The following MIDEAS variants were observed in gnomAD, a reference collection of about 807,000 sequenced individuals.
MIDEAS encodes the protein mitotic deacetylase-associated SANT domain protein.
MIDEAS carries 26 observed loss-of-function variants against 102.7 expected under a neutral mutation model. The ratio of observed to expected loss-of-function variants is 0.25; its 90% CI spans 0.19 to 0.35. MIDEAS has a LOEUF of 0.35. Among genes scored for constraint, MIDEAS ranks in the 10% least tolerant of loss-of-function variants. MIDEAS has a pLI of 1.00. For missense variants in MIDEAS, 1,231 were observed against 1,435.6 expected (o/e 0.86, Z 2.30); for synonymous variants, 585 against 591.0 (o/e 0.99, Z 0.15).
upstream of MIDEAS, among the ~76,000 whole-genome samples, chr14:73,787,943 G>A (rs992631967): frequency 1.3e-5 from 2 of 152,214 alleles, no homozygotes; most frequent in Non-Finnish European, 2.9e-5. Flanking sequence ...AAGTGACTTT[G>A]AGGGTAGGGT....
chr14:73,771,259 A>G (rs2053639632), intron 1 of MIDEAS, among the ~76,000 whole-genome samples: 1 of 152,202 alleles, frequency 6.6e-6, no homozygotes, highest in Non-Finnish European at 1.5e-5. Context: ...ATTTGGTTTT[A>G]GCAAATATAC....
rs2053051631 is a variant in MIDEAS, at chr14:73,725,685, T to C, written c.2486-325A>G. On this transcript the variant is annotated intron_variant, in intron 8 of 12. Coordinates refer to ENST00000423556, the MANE Select transcript of MIDEAS (RefSeq NM_001367710.1). This position sits in a 1 kb window ranked among gnomAD's most constrained non-coding sequence, Gnocchi z 4.1. ...TGTTAGGATTATGTGACTCGGTCCATGTCCTTCTTAAAGTGACCAGAACAG... is the reference window on the plus strand; with the variant it reads ...TGTTAGGATTATGTGACTCGGTCCACGTCCTTCTTAAAGTGACCAGAACAG... 6.6e-6 allele frequency among the ~76,000 whole-genome samples: 1 copy of C among 152,258 alleles called. No individual in the cohort carries two copies. The highest frequency in any genetic ancestry group is 1.5e-5 in the Non-Finnish European group (1 of 68,044).
intron 1 of MIDEAS, among the ~76,000 whole-genome samples, chr14:73,745,985 C>A (rs1347745396): frequency 2.0e-5 from 3 of 152,212 alleles, no homozygotes; most frequent in Non-Finnish European, 4.4e-5. Flanking sequence ...CAGAGAGTCA[C>A]GAGTCCCAGG....
At position 73,715,346 on chromosome 14, in the gene MIDEAS, C is replaced by G. The variant is rs1030444446; in HGVS notation, c.*3497G>C. The G allele has an allele frequency of 6.6e-6, 1 of 152,608 alleles. No individual in the cohort carries two copies. Among genetic ancestry groups the G allele is most frequent in the South Asian group, 2.1e-4 (1 of 4,830 alleles). 9.5% of individuals were successfully genotyped at this position (152,608 alleles called of 1,614,324 possible). A position where few individuals can be genotyped will look rare whatever the true frequency, so the allele number is the denominator to read the frequency against. On this transcript the variant is annotated 3_prime_UTR_variant, in exon 13 of 13. Transcript: ENST00000423556. ...GTACACTATTTTAATATGTAACAGT[C>G]TTTTTAAAAAAGGATGCCACAGGCA...
chr14:73,725,215 C>A lies in MIDEAS; in HGVS notation c.2574+57G>T. On this transcript the variant is annotated intron_variant, in intron 9 of 12. Transcript: ENST00000423556. This position sits in a 1 kb window ranked among gnomAD's most constrained non-coding sequence, Gnocchi z 4.1. ...GATTGGTCACTGGCAGAGGGAGCCC[C>A]AAAGTCACACAGGCAGCTCCTGGCC... 5 of 1,464,474 alleles carry A rather than the reference C, an allele frequency of 3.4e-6. No individual in the cohort carries two copies. The highest frequency in any genetic ancestry group is 4.8e-6 in the Non-Finnish European group (5 of 1,044,008). The allele number at this position is 1,464,474 out of a possible 1,614,324, so 90.7% of individuals were successfully genotyped here.
At chr14:73,738,196 G>C (rs1347326626) in intron 2 of MIDEAS, among the ~76,000 whole-genome samples, 2 of 151,680 alleles carry the variant, frequency 1.3e-5, no homozygotes, top group East Asian at 3.9e-4. Flanking sequence ...AGGAGTTCGA[G>C]ACCAGCCTGA....
chr14:73,721,579 C>T (rs1308500772), intron 10 of MIDEAS, 70 bp from the exon 11 acceptor site: 20 of 1,466,884 alleles, frequency 1.4e-5, no homozygotes, highest in Admixed American at 1.2e-4. Context: ...GATTCTGACC[C>T]GGCCGGGGGG....
rs2052937530 is a variant in MIDEAS at position 73,718,872 on chromosome 14, C to T, written c.3271G>A (p.Glu1091Lys). The T allele has an allele frequency of 6.6e-7, 1 of 1,512,054 alleles. No homozygotes were observed. The highest frequency in any genetic ancestry group is 8.8e-7 in the Non-Finnish European group (1 of 1,136,594). 93.7% of individuals were successfully genotyped at this position (1,512,054 alleles called of 1,614,324 possible). ...CCCTTGTCGCCCGCACCGCTCTCCT[C>T]CCGCAGGGCCTGCTGGTGGGCGGCG... is the stretch of plus-strand genomic sequence containing the variant. Reference protein sequence around the residue: ...AAAAHQQALREESGAGDKG With the variant: ...AAAAHQQALRKESGAGDKG The change falls in exon 13 of 13, where the codon GAG (glutamate) becomes AAG (lysine). Residue 1091 changes from glutamate to lysine, a missense_variant. This residue lies in a region of MIDEAS where 71 missense variants were observed against 51.9 expected (regional missense o/e 1.37). Coordinates refer to ENST00000423556, the MANE Select transcript of MIDEAS (RefSeq NM_001367710.1).
rs748652267 is a variant in MIDEAS at position 73,779,568 on chromosome 14, T to C, written c.-248+7534A>G. ...TTTTTTAATTTGTTTATTATTATTA[T>C]TATTATTTTTTTTTTTTTTTGAGAC... On this transcript the variant is annotated intron_variant, in intron 1 of 11. Transcript: ENST00000394071. Among the ~76,000 whole-genome samples the C allele has an allele frequency of 3.7e-3, 300 of 81,058 alleles. 4 individuals carry two copies. Among genetic ancestry groups the C allele is most frequent in the Middle Eastern group, 0.011 (2 of 178 alleles). The allele number at this position is 81,058 out of a possible 152,430, so 53.2% of individuals were successfully genotyped here. A position where few individuals can be genotyped will look rare whatever the true frequency, so the allele number is the denominator to read the frequency against.
rs1305799543 is a variant in MIDEAS, at chr14:73,739,977, TTC to T, written c.30_31del (p.Asn11GlnfsTer57). The T allele has an allele frequency of 6.6e-7, 1 of 1,507,520 alleles. No homozygotes were observed. Among genetic ancestry groups the T allele is most frequent in the Non-Finnish European group, 8.9e-7 (1 of 1,127,672 alleles). 93.4% of individuals were successfully genotyped at this position (1,507,520 alleles called of 1,614,324 possible). On this transcript the variant is annotated frameshift_variant, in exon 2 of 13. Coordinates refer to ENST00000423556, the MANE Select transcript of MIDEAS (RefSeq NM_001367710.1). LOFTEE classifies it high-confidence loss of function. ...CCCGAAGAGGCAACGCTTCCGCTTG[TTC>T]TGAGCCTTGGGCTGGGCCTGGAGGT...
intron 9 of MIDEAS, chr14:73,724,711 TTG>T (rs1483339049): frequency 6.4e-6 from 1 of 156,144 alleles, no homozygotes; most frequent in Non-Finnish European, 1.4e-5. Context: ...AGCCCAGATT[TTG>T]TGAGACAGGG....
intron 1 of MIDEAS, among the ~76,000 whole-genome samples, chr14:73,776,076 G>A (rs538238542): frequency 5.9e-5 from 9 of 152,012 alleles, no homozygotes; most frequent in African/African-American, 1.9e-4. Context: ...GTGGCACCTC[G>A]CAAACACCCT....
intron 3 of MIDEAS, among the ~76,000 whole-genome samples, chr14:73,735,585 T>C (rs988100365): frequency 9.2e-5 from 14 of 152,218 alleles, no homozygotes; most frequent in Middle Eastern, 3.2e-3. Context: ...TCCCAATGTA[T>C]GCCACTTGAA....
chr14:73,724,396 G>C (rs946121524), intron 9 of MIDEAS: 3 of 152,192 alleles, frequency 2.0e-5, no homozygotes, highest in African/African-American at 7.2e-5. Flanking sequence ...CACATTTACT[G>C]TCAATTCTCT....
intron 1 of MIDEAS, among the ~76,000 whole-genome samples, chr14:73,784,810 T>C (rs1419190119): frequency 6.6e-6 from 1 of 152,208 alleles, no homozygotes; most frequent in African/African-American, 2.4e-5. Flanking sequence ...ACTGTAACCA[T>C]ACATGCCAGA....
At chr14:73,788,389 A>G (rs1244619226), upstream of MIDEAS, among the ~76,000 whole-genome samples, 1 of 152,214 alleles carries the variant, frequency 6.6e-6, no homozygotes, top group Non-Finnish European at 1.5e-5. Flanking sequence ...ACAGGAAACC[A>G]TAAACTTGAG....
chr14:73,726,076 G>A lies in MIDEAS; in HGVS notation c.2442C>T (p.Pro814=), dbSNP rs1200755268. 1.3e-6 allele frequency: 2 copies of A among 1,598,632 alleles called. No individual in the cohort carries two copies. Among genetic ancestry groups the A allele is most frequent in the Non-Finnish European group, 1.7e-6 (2 of 1,173,586 alleles). ...ETLNKLLLKK[P]LRPHNHPLAT... Reference sequence around the variant, plus strand: ...CCAGCGGATGGTTGTGGGGCCGCAGGGGCTTCTTCAGCAGCAGCTTATTCA... The same window carrying A: ...CCAGCGGATGGTTGTGGGGCCGCAGAGGCTTCTTCAGCAGCAGCTTATTCA... The change falls in exon 8 of 13, where the codon CCC becomes CCT. Residue 814 remains proline (P), a synonymous_variant. Transcript: ENST00000423556.
chr14:73,725,313 T>A lies in MIDEAS; in HGVS notation c.2533A>T (p.Ile845Phe), dbSNP rs1338617441. 9 of 1,614,110 alleles carry A rather than the reference T, an allele frequency of 5.6e-6. No homozygotes were observed. Among genetic ancestry groups the A allele is most frequent in the Non-Finnish European group, 7.6e-6 (9 of 1,179,962 alleles). The change falls in exon 9 of 13, where the codon ATT becomes TTT. Residue 845 changes from isoleucine to phenylalanine, a missense_variant. Physicochemically the swap from Ile to Phe is conservative, Grantham distance 21. This residue lies in a region of MIDEAS where 391 missense variants were observed against 483.0 expected (regional missense o/e 0.81). Coordinates refer to ENST00000423556, the MANE Select transcript of MIDEAS (RefSeq NM_001367710.1). The surrounding 1 kb of genome is among the most constrained non-coding windows in gnomAD (Gnocchi z 4.1). ...AAGAAATCCTTCTTGTAGATGGCAA[T>A]GCCTTTGTTGAACAGCTTCCTCTCG... ...MAERKLFNKG[I>F]AIYKKDFFLV...
chr14:73,786,748 G>A (rs778594399), intron 1 of MIDEAS, among the ~76,000 whole-genome samples: 6 of 152,220 alleles, frequency 3.9e-5, no homozygotes, highest in Non-Finnish European at 8.8e-5. Flanking sequence ...GGCAGGGGCC[G>A]AGAGCTGCGC....
Sources: allele counts gnomAD v4.1 joint callset (sites outside exome capture counted in the v4.1 genomes callset), GRCh38; gene constraint gnomAD v4.1.1; regional missense constraint gnomAD v4.1.1; non-coding constraint Gnocchi (gnomAD v3.1); transcripts MANE v1.5; gene names NCBI Gene and HGNC (gene_info 2026-07-23, HGNC 2026-07-21).